Variants in SMYD3 observed in about 807,000 individuals in gnomAD.
SMYD3 encodes the protein histone-lysine N-methyltransferase SMYD3.
Under a neutral mutation model 57.7 loss-of-function variants are expected in SMYD3, and 36 were observed. The ratio of observed to expected loss-of-function variants is 0.62; its 90% CI spans 0.48 to 0.82. The LOEUF (loss-of-function observed/expected upper bound fraction) is 0.82. SMYD3 is among the 40% of genes least tolerant of loss of function. SMYD3 has a pLI of 0.00. For missense variants in SMYD3, 515 were observed against 538.8 expected, an observed-to-expected ratio of 0.96 and a Z score of 0.44; for synonymous variants, 211 against 195.0, an observed-to-expected ratio of 1.08 and a Z score of -0.68.
chr1:246,088,357 C>G (rs2060757289), intron 5 of SMYD3, among the ~76,000 whole-genome samples: 1 of 151,976 alleles, frequency 6.6e-6, no homozygotes, highest in East Asian at 1.9e-4. Context: ...CGCCTGTAAT[C>G]CCAGCACTTT....
intron 5 of SMYD3, among the ~76,000 whole-genome samples, chr1:246,054,394 T>C (rs2060114122): frequency 6.6e-6 from 1 of 152,200 alleles, no homozygotes; most frequent in African/African-American, 2.4e-5. Context: ...ATACTAACCA[T>C]ATAACGTAGC....
At chr1:246,186,852 A>G in intron 5 of SMYD3, 1 of 985,422 alleles carries the variant, frequency 1.0e-6, no homozygotes, top group Non-Finnish European at 1.2e-6. Flanking sequence ...CTCTCCCCAC[A>G]TCACAGGCAC....
At chr1:245,781,927 C>T (rs554527917) in intron 10 of SMYD3, among the ~76,000 whole-genome samples, 1 of 152,126 alleles carries the variant, frequency 6.6e-6, no homozygotes, top group African/African-American at 2.4e-5. Flanking sequence ...CAAGATTGTG[C>T]CACTGCACTC....
rs200094097 is a variant in SMYD3, at chr1:246,102,755, A to AAAAT, written c.532-172819_532-172818insATTT. Reference sequence around the variant, plus strand: ...AGACCTTGGCTCTCAAAAAAAAAAAAAATAATAATAATAATAATCCTACCT... The same window carrying AAAAT: ...AGACCTTGGCTCTCAAAAAAAAAAAAAAATAATAATAATAATAATAATCCTACCT... On this transcript the variant is annotated intron_variant, in intron 5 of 11. Transcript: ENST00000490107. 1.2e-3 allele frequency among the ~76,000 whole-genome samples: 179 copies of AAAAT among 147,002 alleles called. 3 individuals are homozygous for AAAAT. In the East Asian group the frequency reaches 0.028, roughly 23 times the overall value.
At chr1:245,823,414 G>T (rs1333461923) in intron 10 of SMYD3, among the ~76,000 whole-genome samples, 3 of 152,138 alleles carry the variant, frequency 2.0e-5, no homozygotes, top group Admixed American at 2.0e-4. Context: ...AGTGCACCTT[G>T]GGAAGGCGAT....
intron 10 of SMYD3, among the ~76,000 whole-genome samples, chr1:245,809,620 C>G (rs962916063): frequency 3.3e-5 from 5 of 152,184 alleles, no homozygotes; most frequent in Non-Finnish European, 7.3e-5. Flanking sequence ...TGTTTAGATT[C>G]CCAAGTAAAG....
At chr1:245,905,188 C>A (rs924637850) in intron 8 of SMYD3, among the ~76,000 whole-genome samples, 5 of 151,636 alleles carry the variant, frequency 3.3e-5, no homozygotes, top group South Asian at 2.1e-4. Flanking sequence ...AGCTACAGGG[C>A]AAAACTCCTT....
chr1:246,211,624 C>T (rs1182537216), intron 5 of SMYD3, among the ~76,000 whole-genome samples: 1 of 151,956 alleles, frequency 6.6e-6, no homozygotes, highest in Non-Finnish European at 1.5e-5. Context: ...AAGAGGGAGA[C>T]AAATAAAAGG....
At chr1:246,063,860 G>C (rs574895147) in intron 5 of SMYD3, among the ~76,000 whole-genome samples, 27 of 152,120 alleles carry the variant, frequency 1.8e-4, no homozygotes, top group African/African-American at 6.3e-4. Flanking sequence ...CGCCAGTCTC[G>C]AACTCCTGAC....
chr1:246,470,377 T>C (rs1224981239), intron 1 of SMYD3, among the ~76,000 whole-genome samples: 1 of 151,650 alleles, frequency 6.6e-6, no homozygotes, highest in Non-Finnish European at 1.5e-5. Context: ...ACACGTGTAA[T>C]CCCAGCTACT....
chr1:246,350,395 C>A (rs2065804138), intron 2 of SMYD3, among the ~76,000 whole-genome samples: 1 of 152,112 alleles, frequency 6.6e-6, no homozygotes, highest in African/African-American at 2.4e-5. Flanking sequence ...TGGAAAGAAT[C>A]GTAGTTAACA....
chr1:246,380,679 T>C (rs1292969354), intron 1 of SMYD3, among the ~76,000 whole-genome samples: 1 of 152,260 alleles, frequency 6.6e-6, no homozygotes, highest in African/African-American at 2.4e-5. Context: ...CTGTTGATGC[T>C]ACGACAGAGG....
intron 1 of SMYD3, among the ~76,000 whole-genome samples, chr1:246,425,211 T>C (rs2067200910): frequency 6.6e-6 from 1 of 152,038 alleles, no homozygotes; most frequent in Non-Finnish European, 1.5e-5. Context: ...CGGTGAGTGG[T>C]AGAGGAACCC....
intron 5 of SMYD3, among the ~76,000 whole-genome samples, chr1:245,943,215 T>TG (rs1212340146): frequency 2.2e-4 from 33 of 149,296 alleles, no homozygotes; most frequent in South Asian, 1.7e-3. Context: ...CTGAGTTTTT[T>TG]TTTTTTTTTT....
intron 1 of SMYD3, among the ~76,000 whole-genome samples, chr1:246,421,577 A>C (rs1027725472): frequency 7.9e-5 from 12 of 152,204 alleles, no homozygotes; most frequent in African/African-American, 2.7e-4. Flanking sequence ...AATATTTATA[A>C]GACTTAAAAT....
intron 5 of SMYD3, among the ~76,000 whole-genome samples, chr1:246,031,609 C>T (rs1005667204): frequency 6.6e-6 from 1 of 151,852 alleles, no homozygotes; most frequent in African/African-American, 2.4e-5. Flanking sequence ...TGGTGGCGGG[C>T]GCCTGTAGTC....
chr1:246,313,728 T>C (rs540214471), intron 5 of SMYD3, among the ~76,000 whole-genome samples: 19 of 152,298 alleles, frequency 1.2e-4, no homozygotes, highest in African/African-American at 3.8e-4. Flanking sequence ...CAAGTATAAA[T>C]GTTAAGGTCA....
chr1:246,387,504 T>C (rs138491698), intron 1 of SMYD3, among the ~76,000 whole-genome samples: 1 of 152,282 alleles, frequency 6.6e-6, no homozygotes, highest in Non-Finnish European at 1.5e-5. Flanking sequence ...AGACATTGTG[T>C]TTAGAAAGAA....
intron 10 of SMYD3, among the ~76,000 whole-genome samples, chr1:245,850,811 G>C (rs967827544): frequency 3.3e-5 from 5 of 152,178 alleles, no homozygotes; most frequent in South Asian, 2.1e-4. Context: ...GCTGGCTTCT[G>C]GGAGAAGGCA....
Sources: gnomAD v4.1 joint callset for allele counts (sites outside exome capture counted in the v4.1 genomes callset) on GRCh38, gnomAD v4.1.1 for gene constraint, MANE v1.5 for transcripts, NCBI Gene and HGNC (gene_info 2026-07-23, HGNC 2026-07-21) for gene names.